Variants in LYRM4 observed in about 807,000 individuals in gnomAD.
LYRM4 encodes the protein LYR motif-containing protein 4.
A neutral mutation model predicts 11.7 loss-of-function variants in LYRM4; 9 were observed. The observed-to-expected ratio is 0.77, with a 90% CI of 0.46 to 1.34. The LOEUF is 1.34. LYRM4 is among the 40% of genes most tolerant of loss of function. LYRM4 has a pLI of 0.00. For synonymous variants in LYRM4, 42 were observed against 40.4 expected (o/e 1.04, Z -0.15); for missense variants, 133 against 112.5 (o/e 1.18, Z -0.82).
At chr6:5,118,958 C>A (rs77356095) in intron 2 of LYRM4, among the ~76,000 whole-genome samples, 5,762 of 152,276 alleles carry the variant, frequency 0.038, 178 homozygotes, top group Non-Finnish European at 0.059. Flanking sequence ...TTTTATGCAA[C>A]AGAGGAGTGC....
At chr6:5,033,299 A>T in the LYRM4 span, 1 of 152,044 alleles carries the variant, frequency 6.6e-6, no homozygotes, top group African/African-American at 2.4e-5. Context: ...GCCACACGGA[A>T]TCTTTATGCT....
At chr6:5,041,852 G>T in the LYRM4 span, among the ~76,000 whole-genome samples, 1 of 152,148 alleles carries the variant, frequency 6.6e-6, no homozygotes, top group Non-Finnish European at 1.5e-5. Context: ...TTATTTGGAT[G>T]GTTTCTATAA....
At chr6:5,181,419 T>TC in intron 2 of LYRM4, among the ~76,000 whole-genome samples, 1 of 152,156 alleles carries the variant, frequency 6.6e-6, no homozygotes, top group Non-Finnish European at 1.5e-5. Flanking sequence ...ATTGGCTTTT[T>TC]CCTCCCCGTC....
chr6:5,048,426 C>T, the LYRM4 span, among the ~76,000 whole-genome samples: 4 of 151,908 alleles, frequency 2.6e-5, no homozygotes, highest in African/African-American at 9.7e-5. Context: ...GTGAGCCTCC[C>T]ACCTCAGCCT....
At chr6:5,093,484 C>T in the LYRM4 span, among the ~76,000 whole-genome samples, 4 of 152,272 alleles carry the variant, frequency 2.6e-5, no homozygotes, top group African/African-American at 9.6e-5. Context: ...GCCCGGATGG[C>T]TGCTTCAAAG....
chr6:5,238,196 A>G (rs780157153), intron 1 of LYRM4, among the ~76,000 whole-genome samples: 3 of 152,226 alleles, frequency 2.0e-5, no homozygotes, highest in Non-Finnish European at 4.4e-5. Context: ...GAAATTCAGA[A>G]TAAAATTAAA....
At chr6:5,084,711 C>A in the LYRM4 span, 1 of 152,260 alleles carries the variant, frequency 6.6e-6, no homozygotes, top group African/African-American at 2.4e-5. Context: ...TCCTGCCTCC[C>A]GGCTTTCGGA....
At chr6:5,091,193 C>A in the LYRM4 span, among the ~76,000 whole-genome samples, 1 of 152,314 alleles carries the variant, frequency 6.6e-6, no homozygotes, top group African/African-American at 2.4e-5. Flanking sequence ...GGATGTGCTG[C>A]CTGAAGTCAC....
In LYRM4 at chr6:5,260,832, A is replaced by G; in HGVS notation, c.-99T>C. ...CCTGTGCGGAAACCACGAACGAAATAAAATGCTGCGGCTCGGCTTTGCCAG... is the reference window on the plus strand; with the variant it reads ...CCTGTGCGGAAACCACGAACGAAATGAAATGCTGCGGCTCGGCTTTGCCAG... On this transcript the variant is annotated 5_prime_UTR_variant, in exon 1 of 3. Transcript: ENST00000330636. 6.6e-7 allele frequency: 1 copy of G among 1,516,586 alleles called. No homozygotes were observed. The highest frequency in any genetic ancestry group is 8.8e-7 in the Non-Finnish European group (1 of 1,138,374). 93.9% of individuals were successfully genotyped at this position (1,516,586 alleles called of 1,614,324 possible).
At chr6:5,260,598 T>TGCCCCGGCCCCGGGGCCCCCCCCCCC in intron 1 of LYRM4, 50 bp downstream of exon 1, 1 of 1,105,570 alleles carries the variant, frequency 9.0e-7, no homozygotes, top group Non-Finnish European at 1.3e-6. Context: ...GCACCCCCGG[T>TGCCCCGGCCCCGGGGCCCCCCCCCCC]CCCCGGCCCC....
chr6:5,204,068 C>T (rs1229354607), intron 2 of LYRM4, among the ~76,000 whole-genome samples: 1 of 152,182 alleles, frequency 6.6e-6, no homozygotes, highest in Non-Finnish European at 1.5e-5. Flanking sequence ...GCCTATTTTA[C>T]AGAAGAGAAA....
At chr6:5,240,187 G>A (rs1168054701) in intron 1 of LYRM4, among the ~76,000 whole-genome samples, 1 of 151,976 alleles carries the variant, frequency 6.6e-6, no homozygotes, top group African/African-American at 2.4e-5. Context: ...ACCTTTCCAG[G>A]CCTTCTCTAC....
At chr6:5,193,172 AAC>A (rs1760861740) in intron 2 of LYRM4, among the ~76,000 whole-genome samples, 2 of 152,302 alleles carry the variant, frequency 1.3e-5, no homozygotes, top group Non-Finnish European at 2.9e-5. Context: ...CATGACAAAC[AAC>A]AAAAGTAACA....
chr6:5,109,401 CT>C lies in LYRM4; in HGVS notation c.*21del. The C allele has an allele frequency of 6.2e-7, 1 of 1,613,842 alleles. No homozygotes were observed. Among genetic ancestry groups the C allele is most frequent in the Non-Finnish European group, 8.5e-7 (1 of 1,179,790 alleles). ...TGCTGAAGGTGGTCCCTGGCCGCCACTGGTGGCTGGTCCCCGGCTTGCTAGG... is the reference window on the plus strand; with the variant it reads ...TGCTGAAGGTGGTCCCTGGCCGCCACGGTGGCTGGTCCCCGGCTTGCTAGG... On this transcript the variant is annotated 3_prime_UTR_variant, in exon 3 of 3. Coordinates refer to ENST00000330636, the MANE Select transcript of LYRM4 (RefSeq NM_020408.6).
chr6:5,219,501 C>T (rs985825642), intron 1 of LYRM4, among the ~76,000 whole-genome samples: 2 of 152,196 alleles, frequency 1.3e-5, no homozygotes, highest in Non-Finnish European at 2.9e-5. Context: ...TTATTCTTCG[C>T]CCTAAGGGAA....
chr6:5,049,313 T>G, the LYRM4 span, among the ~76,000 whole-genome samples: 1 of 152,164 alleles, frequency 6.6e-6, no homozygotes, highest in Non-Finnish European at 1.5e-5. Flanking sequence ...CATTGGACTC[T>G]GAAGGCACTG....
At chr6:5,210,358 A>G (rs1206763327) in intron 2 of LYRM4, among the ~76,000 whole-genome samples, 1 of 152,142 alleles carries the variant, frequency 6.6e-6, no homozygotes, top group African/African-American at 2.4e-5. Context: ...GAGAAAACAG[A>G]GGGCTCGCGG....
intron 2 of LYRM4, among the ~76,000 whole-genome samples, chr6:5,145,513 A>T (rs1353512863): frequency 2.0e-5 from 3 of 152,192 alleles, no homozygotes; most frequent in African/African-American, 7.2e-5. Context: ...GGCGAGGGCG[A>T]GGCTGCGGAA....
At chr6:5,164,200 A>G (rs1758934377) in intron 2 of LYRM4, among the ~76,000 whole-genome samples, 1 of 152,218 alleles carries the variant, frequency 6.6e-6, no homozygotes, top group African/African-American at 2.4e-5. Context: ...AGCTGGACAC[A>G]TATGCAAAAT....
Sources: allele counts gnomAD v4.1 joint callset (sites outside exome capture counted in the v4.1 genomes callset), GRCh38; gene constraint gnomAD v4.1.1; transcripts MANE v1.5; gene names NCBI Gene and HGNC (gene_info 2026-07-23, HGNC 2026-07-21).